DLGAP1: variants seen among roughly 807,000 people sequenced by gnomAD.
DLGAP1 encodes the protein disks large-associated protein 1.
Under a neutral mutation model 90.8 loss-of-function variants are expected in DLGAP1, and 11 were observed. The observed-to-expected ratio is 0.12, with a 90% CI of 0.08 to 0.20. The LOEUF (loss-of-function observed/expected upper bound fraction) is 0.20. Among genes scored for constraint, DLGAP1 ranks in the 10% least tolerant of loss-of-function variants. The pLI is 1.00. For synonymous variants in DLGAP1, 558 were observed against 540.7 expected (o/e 1.03, Z -0.44); for missense variants, 1,050 against 1,333.8 (o/e 0.79, Z 3.31).
intron 1 of DLGAP1, chr18:4,293,062 G>A (rs1490612658): frequency 6.6e-6 from 1 of 152,216 alleles, no homozygotes; most frequent in Non-Finnish European, 1.5e-5. Flanking sequence ...AGGAAACGGA[G>A]ATGAAATCAG....
intron 4 of DLGAP1, among the ~76,000 whole-genome samples, chr18:3,846,013 A>G (rs1431216706): frequency 2.0e-5 from 3 of 151,492 alleles, no homozygotes; most frequent in Non-Finnish European, 4.4e-5. Flanking sequence ...TTCCATAGAG[A>G]AACATCCCAG....
intron 1 of DLGAP1, among the ~76,000 whole-genome samples, chr18:4,332,437 T>TA (rs2080973190): frequency 6.6e-6 from 1 of 151,850 alleles, no homozygotes; most frequent in South Asian, 2.1e-4. Flanking sequence ...GGTTTTTTTT[T>TA]AAAAAGCAAA....
chr18:3,617,090 G>A (rs980615144), intron 7 of DLGAP1, among the ~76,000 whole-genome samples: 5 of 152,152 alleles, frequency 3.3e-5, no homozygotes, highest in East Asian at 1.9e-4. Flanking sequence ...GAGAGATGCT[G>A]AGCCAGAACT....
intron 1 of DLGAP1, among the ~76,000 whole-genome samples, chr18:4,390,084 A>G (rs890711165): frequency 2.0e-5 from 3 of 151,686 alleles, no homozygotes; most frequent in Non-Finnish European, 4.4e-5. Context: ...AGTGTATTGT[A>G]TTGTTCTCCA....
chr18:4,265,534 T>TC (rs2079096391), intron 1 of DLGAP1, among the ~76,000 whole-genome samples: 3 of 145,438 alleles, frequency 2.1e-5, no homozygotes, highest in African/African-American at 8.3e-5. Flanking sequence ...TTTCCTTCCT[T>TC]CCTTCCCTCC....
chr18:3,888,567 A>C (rs78199521), intron 3 of DLGAP1, among the ~76,000 whole-genome samples: 3 of 151,790 alleles, frequency 2.0e-5, no homozygotes, highest in Admixed American at 6.6e-5. Flanking sequence ...AAAAAAAAAA[A>C]CCAACGACTC....
chr18:3,514,749 G>A (rs1444549911), intron 10 of DLGAP1, among the ~76,000 whole-genome samples: 1 of 152,118 alleles, frequency 6.6e-6, no homozygotes, highest in Non-Finnish European at 1.5e-5. Context: ...ATACTTTATT[G>A]CTAAAAAATG....
intron 11 of DLGAP1, 34 bp downstream of exon 11, chr18:3,508,536 A>G: frequency 6.6e-7 from 1 of 1,520,454 alleles, no homozygotes; most frequent in Admixed American, 1.8e-5. Flanking sequence ...TCATGGCACT[A>G]GCAGGGAAAT....
intron 4 of DLGAP1, among the ~76,000 whole-genome samples, chr18:3,827,704 C>G (rs2067795111): frequency 1.3e-5 from 2 of 152,182 alleles, no homozygotes; most frequent in African/African-American, 2.4e-5. Flanking sequence ...AAGTGAAAGA[C>G]AGAGAGAAAT....
intron 1 of DLGAP1, among the ~76,000 whole-genome samples, chr18:4,427,580 G>A (rs901272198): frequency 6.6e-6 from 1 of 152,144 alleles, no homozygotes; most frequent in Non-Finnish European, 1.5e-5. Flanking sequence ...GTCCCTTGCT[G>A]CCATCAAAGA....
At chr18:4,334,907 T>C (rs2081036677) in intron 1 of DLGAP1, among the ~76,000 whole-genome samples, 1 of 151,916 alleles carries the variant, frequency 6.6e-6, no homozygotes, top group Non-Finnish European at 1.5e-5. Flanking sequence ...AAAGGTACAG[T>C]GAAGAAAGCC....
intron 7 of DLGAP1, among the ~76,000 whole-genome samples, chr18:3,698,576 C>T (rs2061173072): frequency 6.6e-6 from 1 of 152,064 alleles, no homozygotes; most frequent in Admixed American, 6.6e-5. Context: ...GATGGGCTTC[C>T]CTTTGTGGGT....
intron 1 of DLGAP1, among the ~76,000 whole-genome samples, chr18:4,193,324 T>C (rs1237575595): frequency 6.6e-6 from 1 of 152,222 alleles, no homozygotes; most frequent in African/African-American, 2.4e-5. Flanking sequence ...AAATTTTGCA[T>C]AGATTATTGA....
chr18:3,869,979 C>CA (rs372262842), intron 4 of DLGAP1, among the ~76,000 whole-genome samples: 238 of 152,252 alleles, frequency 1.6e-3, no homozygotes, highest in African/African-American at 5.5e-3. Flanking sequence ...AAGTAGAGCC[C>CA]AAAGTCATGT....
At chr18:3,750,752 G>A (rs953286762) in intron 5 of DLGAP1, among the ~76,000 whole-genome samples, 1 of 152,136 alleles carries the variant, frequency 6.6e-6, no homozygotes, top group South Asian at 2.1e-4. Context: ...CTCCTCGTTT[G>A]CTGTTTCCCC....
intron 10 of DLGAP1, among the ~76,000 whole-genome samples, chr18:3,522,126 T>C (rs1411618299): frequency 6.9e-6 from 1 of 145,216 alleles, no homozygotes; most frequent in Non-Finnish European, 1.5e-5. Context: ...CTTGCCTTTT[T>C]CTTTCTTGCT....
At chr18:4,273,316 A>G (rs1043672786) in intron 1 of DLGAP1, among the ~76,000 whole-genome samples, 1 of 152,138 alleles carries the variant, frequency 6.6e-6, no homozygotes, top group African/African-American at 2.4e-5. Context: ...CCCAGCATAC[A>G]TGGGTCTCCT....
At chr18:3,717,941 C>G (rs1383691401) in intron 7 of DLGAP1, among the ~76,000 whole-genome samples, 1 of 152,150 alleles carries the variant, frequency 6.6e-6, no homozygotes, top group Non-Finnish European at 1.5e-5. Flanking sequence ...TGCTACGTGC[C>G]AAAGTCAAGT....
rs943719889 is a variant in DLGAP1 at position 4,116,920 on chromosome 18, G to C, written c.-159+34260C>G. On this transcript the variant is annotated intron_variant, in intron 2 of 12. Coordinates refer to ENST00000315677, the MANE Select transcript of DLGAP1 (RefSeq NM_004746.4). ...ATCTACTATGAGCTGAATATGTTAT[G>C]GGATGAAGTGTTTCTCCCCAAAATT... Among the ~76,000 whole-genome samples, 5 of 152,128 alleles carry C rather than the reference G, an allele frequency of 3.3e-5. 1 individual carries two copies. The highest frequency in any genetic ancestry group is 3.3e-4 in the Admixed American group (5 of 15,276).
Sources: gnomAD v4.1 joint callset for allele counts (sites outside exome capture counted in the v4.1 genomes callset) on GRCh38, gnomAD v4.1.1 for gene constraint, MANE v1.5 for transcripts, NCBI Gene and HGNC (gene_info 2026-07-23, HGNC 2026-07-21) for gene names.